The following TNIK variants were observed in gnomAD, a reference collection of about 807,000 sequenced individuals.
The protein encoded by TNIK is TRAF2 and NCK-interacting protein kinase.
Under a neutral mutation model 191.3 loss-of-function variants are expected in TNIK, and 49 were observed. The ratio of observed to expected loss-of-function variants is 0.26; its 90% CI spans 0.20 to 0.32. The LOEUF (loss-of-function observed/expected upper bound fraction) is 0.32. Ranked by LOEUF, TNIK falls within the 10% of genes least tolerant of loss-of-function variation. The pLI is 1.00. For synonymous variants in TNIK, 594 were observed against 600.9 expected, an observed-to-expected ratio of 0.99 and a Z score of 0.17; for missense variants, 1,155 against 1,702.3, an observed-to-expected ratio of 0.68 and a Z score of 5.66.
intron 2 of TNIK, among the ~76,000 whole-genome samples, chr3:171,324,889 G>C (rs909596103): frequency 6.6e-6 from 1 of 152,036 alleles, no homozygotes; most frequent in African/African-American, 2.4e-5. Context: ...ACGAGGTCAG[G>C]AGATCGAGAC....
chr3:171,351,440 C>T (rs1713194298), intron 2 of TNIK, among the ~76,000 whole-genome samples: 1 of 152,086 alleles, frequency 6.6e-6, no homozygotes, highest in Admixed American at 6.5e-5. Flanking sequence ...ACTATTCATA[C>T]AAAAATTGCA....
intron 1 of TNIK, among the ~76,000 whole-genome samples, chr3:171,432,575 A>G (rs1725512944): frequency 6.6e-6 from 1 of 152,202 alleles, no homozygotes; most frequent in Non-Finnish European, 1.5e-5. Flanking sequence ...TAGATATCAA[A>G]TTAGCCCTAA....
chr3:171,146,146 G>A (rs777854749), intron 12 of TNIK, among the ~76,000 whole-genome samples: 6 of 152,136 alleles, frequency 3.9e-5, no homozygotes, highest in African/African-American at 1.2e-4. Flanking sequence ...ATTGGTGACC[G>A]CCCTGGGCAA....
chr3:171,216,704 G>A (rs143419220), intron 3 of TNIK, among the ~76,000 whole-genome samples: 1 of 152,226 alleles, frequency 6.6e-6, no homozygotes. Flanking sequence ...AATTAAACAT[G>A]TAAATCACCT....
chr3:171,150,716 C>T (rs529747731), intron 12 of TNIK, among the ~76,000 whole-genome samples: 34 of 152,206 alleles, frequency 2.2e-4, no homozygotes, highest in Admixed American at 5.2e-4. Flanking sequence ...ACAAGAAATC[C>T]GCAAAAGGAC....
At position 171,101,602 on chromosome 3, in the gene TNIK, T is replaced by A; in HGVS notation, c.2438A>T (p.Glu813Val). 1 of 1,613,324 alleles carries A rather than the reference T, an allele frequency of 6.2e-7. No homozygotes were observed. ...DLTALAKELR[E>V]LRIEETNRPM... ...GCGGTTTGTTTCTTCAATCCGGAGT[T>A]CTCTTAGTTCTTTGGCTAATGCCGT... The change falls in exon 22 of 33, where the codon GAA becomes GTA. Residue 813 changes from glutamate to valine, a missense_variant. Coordinates refer to ENST00000436636, the MANE Select transcript of TNIK (RefSeq NM_015028.4).
At chr3:171,093,096 T>G (rs1722270989) in intron 23 of TNIK, among the ~76,000 whole-genome samples, 1 of 152,226 alleles carries the variant, frequency 6.6e-6, no homozygotes, top group Non-Finnish European at 1.5e-5. Flanking sequence ...CTCAGCCATT[T>G]CTTTCCTTCC....
At chr3:171,258,008 C>T (rs898417517) in intron 2 of TNIK, among the ~76,000 whole-genome samples, 1 of 152,192 alleles carries the variant, frequency 6.6e-6, no homozygotes, top group Admixed American at 6.5e-5. Context: ...CAGACAAACA[C>T]ATCATCTTGT....
chr3:171,114,659 A>C (rs1391945217), intron 18 of TNIK, among the ~76,000 whole-genome samples: 2 of 152,166 alleles, frequency 1.3e-5, no homozygotes, highest in African/African-American at 4.8e-5. Context: ...TGTAGACCCT[A>C]ATCATATTAT....
At chr3:171,392,014 A>G (rs1719584611) in intron 1 of TNIK, among the ~76,000 whole-genome samples, 1 of 152,244 alleles carries the variant, frequency 6.6e-6, no homozygotes, top group South Asian at 2.1e-4. Flanking sequence ...TCTGCAAGAA[A>G]AGAACTTCAT....
At position 171,120,164 on chromosome 3, in the gene TNIK, CAT is replaced by C. The variant is rs199617328; in HGVS notation, c.2120+3430_2120+3431del. On this transcript the variant is annotated intron_variant, in intron 18 of 32. Coordinates refer to ENST00000436636, the MANE Select transcript of TNIK (RefSeq NM_015028.4). Reference sequence around the variant, plus strand: ...GTACTAAATAGTTTACTGATTTAAACATATGTGTCCCAAATGATCAAAAAACA... The same window carrying C: ...GTACTAAATAGTTTACTGATTTAAACATGTGTCCCAAATGATCAAAAAACA... Among the ~76,000 whole-genome samples the C allele has an allele frequency of 1.2e-3, 185 of 152,256 alleles. 3 individuals carry two copies. In the East Asian group the frequency reaches 0.024, roughly 20 times the overall value.
intron 2 of TNIK, among the ~76,000 whole-genome samples, chr3:171,316,877 C>G (rs757647042): frequency 6.7e-6 from 1 of 149,618 alleles, no homozygotes; most frequent in Non-Finnish European, 1.5e-5. Context: ...GAACTATATA[C>G]AAGCGATTAC....
intron 2 of TNIK, among the ~76,000 whole-genome samples, chr3:171,345,159 C>T (rs1711959611): frequency 6.6e-6 from 1 of 152,072 alleles, no homozygotes; most frequent in African/African-American, 2.4e-5. Flanking sequence ...TGATTTCTTC[C>T]CCCTTTTACT....
intron 19 of TNIK, among the ~76,000 whole-genome samples, chr3:171,109,950 G>A (rs1328187314): frequency 6.6e-6 from 1 of 151,948 alleles, no homozygotes; most frequent in East Asian, 1.9e-4. Context: ...TGTTGCCAAG[G>A]CTGGAGTACA....
intron 2 of TNIK, among the ~76,000 whole-genome samples, chr3:171,241,613 C>T (rs1745001111): frequency 6.6e-6 from 1 of 152,020 alleles, no homozygotes; most frequent in Non-Finnish European, 1.5e-5. Context: ...AATATATATG[C>T]TTTATTTAAA....
chr3:171,357,802 G>A (rs536815492), intron 2 of TNIK, among the ~76,000 whole-genome samples: 3 of 152,258 alleles, frequency 2.0e-5, no homozygotes, highest in South Asian at 2.1e-4. Context: ...GGCACAGCAC[G>A]GATAAACAGA....
intron 30 of TNIK, among the ~76,000 whole-genome samples, chr3:171,067,578 G>A (rs532020081): frequency 6.6e-6 from 1 of 151,458 alleles, no homozygotes; most frequent in South Asian, 2.1e-4. Flanking sequence ...GCTGAGGCAG[G>A]AGAATGGTGT....
chr3:171,306,734 C>T (rs887408390), intron 2 of TNIK, among the ~76,000 whole-genome samples: 1 of 151,906 alleles, frequency 6.6e-6, no homozygotes, highest in Non-Finnish European at 1.5e-5. Context: ...AATGTAAATA[C>T]CACTAAAGCC....
chr3:171,395,633 A>C (rs1339423365), intron 1 of TNIK, among the ~76,000 whole-genome samples: 2 of 152,232 alleles, frequency 1.3e-5, no homozygotes, highest in African/African-American at 2.4e-5. Context: ...TGAAAACTGT[A>C]TATTGAAAAG....
Sources: allele counts gnomAD v4.1 joint callset (sites outside exome capture counted in the v4.1 genomes callset), GRCh38; gene constraint gnomAD v4.1.1; transcripts MANE v1.5; gene names NCBI Gene and HGNC (gene_info 2026-07-23, HGNC 2026-07-21).